Variants in KCNIP2 observed in about 807,000 individuals in gnomAD.
The protein encoded by KCNIP2 is potassium voltage-gated channel interacting protein 2, also known as A-type potassium channel modulatory protein KCNIP2.
In KCNIP2, 19 loss-of-function variants were observed where a neutral mutation model predicts 39.0. The ratio of observed to expected loss-of-function variants is 0.49; its 90% CI spans 0.34 to 0.71. The LOEUF (loss-of-function observed/expected upper bound fraction) is 0.71. Among genes scored for constraint, KCNIP2 ranks in the 30% least tolerant of loss-of-function variants. The pLI, the probability that KCNIP2 is intolerant of heterozygous loss-of-function variation, is 0.01. For missense variants in KCNIP2, 261 were observed against 346.0 expected, an observed-to-expected ratio of 0.75 and a Z score of 1.95; for synonymous variants, 111 against 131.2, an observed-to-expected ratio of 0.85 and a Z score of 1.05.
chr10:101,836,220 G>T (rs2066153265), intron 1 of KCNIP2, among the ~76,000 whole-genome samples: 1 of 150,936 alleles, frequency 6.6e-6, no homozygotes, highest in Non-Finnish European at 1.5e-5. Flanking sequence ...TCCCCGACCT[G>T]CCCCATCCAG....
At position 101,843,195 on chromosome 10, in the gene KCNIP2, A is replaced by G. The variant is rs567675351; in HGVS notation, c.73+301T>C. ...GTGGGAGGTGCGCGCGCACACACACACACACACACAGAATGACAGGTGCTC... is the reference window on the plus strand; with the variant it reads ...GTGGGAGGTGCGCGCGCACACACACGCACACACACAGAATGACAGGTGCTC... On this transcript the variant is annotated intron_variant, in intron 1 of 9. Transcript: ENST00000356640. This position sits in a 1 kb window ranked among gnomAD's most constrained non-coding sequence, Gnocchi z 6.7. Among the ~76,000 whole-genome samples, 1 of 152,310 alleles carries G rather than the reference A, an allele frequency of 6.6e-6. No individual in the cohort carries two copies. Among genetic ancestry groups the G allele is most frequent in the Non-Finnish European group, 1.5e-5 (1 of 68,020 alleles).
At position 101,829,831 on chromosome 10, in the gene KCNIP2, G is replaced by A. The variant is rs746616814; in HGVS notation, c.223+13C>T. On this transcript the variant is annotated intron_variant, in intron 3 of 9. Coordinates refer to ENST00000356640, the MANE Select transcript of KCNIP2 (RefSeq NM_173191.3). The stretch of plus-strand genomic sequence containing the variant: ...CCCTGCCCCGCCCCGCCCCCACCAG[G>A]AGCGTAAGTCACCTGGGTCCAGCAG... The A allele has an allele frequency of 8.8e-5, 115 of 1,305,608 alleles. No homozygotes were observed. Among genetic ancestry groups the A allele is most frequent in the Non-Finnish European group, 1.1e-4 (110 of 1,019,544 alleles). The allele number at this position is 1,305,608 out of a possible 1,614,324, so 80.9% of individuals were successfully genotyped here.
At chr10:101,840,066 G>GA (rs1237678922) in intron 1 of KCNIP2, among the ~76,000 whole-genome samples, 3 of 151,778 alleles carry the variant, frequency 2.0e-5, no homozygotes, top group Non-Finnish European at 2.9e-5. Flanking sequence ...ACGGGGGGGG[G>GA]GGGTGGCGGG....
rs1233503196 is a variant in KCNIP2, at chr10:101,828,354, A to G, written c.489+35T>C. 57 of 1,613,112 alleles carry G rather than the reference A, an allele frequency of 3.5e-5. No individual in the cohort carries two copies. The highest frequency in any genetic ancestry group is 4.8e-5 in the Non-Finnish European group (57 of 1,179,112). On this transcript the variant is annotated intron_variant, in intron 6 of 9. Coordinates refer to ENST00000356640, the MANE Select transcript of KCNIP2 (RefSeq NM_173191.3). The surrounding 1 kb of genome is among the most constrained non-coding windows in gnomAD (Gnocchi z 6.6). ...GGAGATCCTGGCCCTGAACTCCAGG[A>G]AACAGGCTTCCCTGGCCCACCTCGC...
In KCNIP2 at chr10:101,843,599, G is replaced by T; in HGVS notation, c.-31C>A. ...CCGGCGCCCCGCTCCCGCCCGGGCCGTGGGAGGGGGCGCCGGGTGGCCGGG... is the reference window on the plus strand; with the variant it reads ...CCGGCGCCCCGCTCCCGCCCGGGCCTTGGGAGGGGGCGCCGGGTGGCCGGG... On this transcript the variant is annotated 5_prime_UTR_variant, in exon 1 of 10. Coordinates refer to ENST00000356640, the MANE Select transcript of KCNIP2 (RefSeq NM_173191.3). This position sits in a 1 kb window ranked among gnomAD's most constrained non-coding sequence, Gnocchi z 6.7. 1 of 1,365,632 alleles carries T rather than the reference G, an allele frequency of 7.3e-7. No homozygotes were observed. The highest frequency in any genetic ancestry group is 9.7e-7 in the Non-Finnish European group (1 of 1,031,854). The allele number at this position is 1,365,632 out of a possible 1,614,324, so 84.6% of individuals were successfully genotyped here. A position where few individuals can be genotyped will look rare whatever the true frequency, so the allele number is the denominator to read the frequency against.
At chr10:101,842,079 G>A (rs937491577) in intron 1 of KCNIP2, among the ~76,000 whole-genome samples, 1 of 152,124 alleles carries the variant, frequency 6.6e-6, no homozygotes, top group African/African-American at 2.4e-5. Context: ...CCTCATCCTA[G>A]TCCCCTCCCC....
chr10:101,831,462 G>A (rs2065991307), intron 1 of KCNIP2, among the ~76,000 whole-genome samples: 1 of 152,134 alleles, frequency 6.6e-6, no homozygotes. Context: ...TGGCTCAAGT[G>A]CCATGGCTGG....
rs1564677542 is a variant in KCNIP2 at position 101,843,570 on chromosome 10, G to GC, written c.-3dup. On this transcript the variant is annotated 5_prime_UTR_variant, in exon 1 of 10. Transcript: ENST00000356640. The surrounding 1 kb of genome is among the most constrained non-coding windows in gnomAD (Gnocchi z 6.7). ...CTCCTTGCGGCCCTGGCCCCGCATG[G>GC]CCCCCGGCGCCCCGCTCCCGCCCGG... is the stretch of plus-strand genomic sequence containing the variant. The GC allele has an allele frequency of 6.6e-7, 1 of 1,516,970 alleles. No homozygotes were observed. The highest frequency in any genetic ancestry group is 8.8e-7 in the Non-Finnish European group (1 of 1,131,484). The allele number at this position is 1,516,970 out of a possible 1,614,324, so 94.0% of individuals were successfully genotyped here.
chr10:101,829,718 A>AAC, intron 3 of KCNIP2, 126 bp downstream of exon 3: 2 of 111,662 alleles, frequency 1.8e-5, no homozygotes, highest in Non-Finnish European at 1.8e-5. Context: ...CTCCATCCAG[A>AAC]CCCCACCCCC....
chr10:101,831,179 G>A lies in KCNIP2; in HGVS notation c.74-12C>T. 1 of 1,582,070 alleles carries A rather than the reference G, an allele frequency of 6.3e-7. No homozygotes were observed. The highest frequency in any genetic ancestry group is 8.6e-7 in the Non-Finnish European group (1 of 1,161,938). On this transcript the variant is annotated splice_polypyrimidine_tract_variant and intron_variant, in intron 1 of 9. Transcript: ENST00000356640. ...CCCTGGAGGGTGGCCTGGGAAGAGA[G>A]AAGACCCCAGGAAGGCACATTAACT...
chr10:101,841,043 C>G (rs570765263), intron 1 of KCNIP2, among the ~76,000 whole-genome samples: 6 of 152,248 alleles, frequency 3.9e-5, no homozygotes, highest in Non-Finnish European at 8.8e-5. Flanking sequence ...GCGGCCCCGC[C>G]GGGCTGGGAA....
chr10:101,841,582 C>T (rs2066341095), intron 1 of KCNIP2, among the ~76,000 whole-genome samples: 1 of 152,216 alleles, frequency 6.6e-6, no homozygotes, highest in Admixed American at 6.5e-5. Context: ...TACTTGTCAA[C>T]ATTTGACCTT....
intron 9 of KCNIP2, 99 bp from the exon 10 acceptor site, chr10:101,827,499 C>G (rs1020890516): frequency 6.4e-6 from 9 of 1,402,102 alleles, no homozygotes; most frequent in Admixed American, 1.7e-5. Context: ...CGGGGACATT[C>G]AAAAGCACAG....
rs1043648276 is a variant in KCNIP2 at position 101,831,173 on chromosome 10, AAG to A, written c.74-8_74-7del. 1.9e-6 allele frequency: 3 copies of A among 1,592,710 alleles called. No homozygotes were observed. Among genetic ancestry groups the A allele is most frequent in the Non-Finnish European group, 2.6e-6 (3 of 1,168,716 alleles). ...AGTGGGCCCTGGAGGGTGGCCTGGG[AAG>A]AGAGAAGACCCCAGGAAGGCACATT... On this transcript the variant is annotated splice_polypyrimidine_tract_variant and splice_region_variant and intron_variant, in intron 1 of 9. Transcript: ENST00000356640.
chr10:101,829,817 C>T, intron 3 of KCNIP2, 27 bp downstream of exon 3: 22 of 1,407,860 alleles, frequency 1.6e-5, no homozygotes, highest in Non-Finnish European at 2.0e-5. Context: ...CCTGCCCCGC[C>T]CCGCCCCCAC....
chr10:101,828,906 C>T lies in KCNIP2; in HGVS notation c.348+169G>A. On this transcript the variant is annotated intron_variant, in intron 4 of 9. Coordinates refer to ENST00000356640, the MANE Select transcript of KCNIP2 (RefSeq NM_173191.3). This position sits in a 1 kb window ranked among gnomAD's most constrained non-coding sequence, Gnocchi z 6.6. ...CGAAACTGACAGTCTACAGGCGCCA[C>T]TTCCGTTCTGGCCCCGCCCCAGAAC... The T allele has an allele frequency of 6.6e-7, 1 of 1,523,396 alleles. No homozygotes were observed. The highest frequency in any genetic ancestry group is 8.8e-7 in the Non-Finnish European group (1 of 1,132,062). The allele number at this position is 1,523,396 out of a possible 1,614,324, so 94.4% of individuals were successfully genotyped here. A position where few individuals can be genotyped will look rare whatever the true frequency, so the allele number is the denominator to read the frequency against.
chr10:101,832,296 C>CTGTGTGTG (rs57005983), intron 1 of KCNIP2, among the ~76,000 whole-genome samples: 2,500 of 140,006 alleles, frequency 0.018, 43 homozygotes, highest in African/African-American at 0.031. Context: ...CTCAGTGTTA[C>CTGTGTGTG]TGTGTGTGTG....
chr10:101,837,698 G>C lies in KCNIP2; in HGVS notation c.73+5798C>G, dbSNP rs560207438. ...ATAATAATGATAATAATAATGAGTT[G>C]TTTAACCAGAGTCAGTGATCTGTCA... On this transcript the variant is annotated intron_variant, in intron 1 of 9. Transcript: ENST00000356640. 8.5e-5 allele frequency among the ~76,000 whole-genome samples: 13 copies of C among 152,220 alleles called. No individual in the cohort carries two copies. The South Asian group carries it at 2.7e-3, about 32-fold the overall frequency.
intron 1 of KCNIP2, among the ~76,000 whole-genome samples, chr10:101,841,488 C>T (rs946034966): frequency 5.9e-5 from 9 of 152,198 alleles, no homozygotes; most frequent in Non-Finnish European, 1.0e-4. Context: ...GAGGAGAGCT[C>T]CTGGTAGTCC....
Sources: gnomAD v4.1 joint callset for allele counts (sites outside exome capture counted in the v4.1 genomes callset) on GRCh38, gnomAD v4.1.1 for gene constraint, Gnocchi (gnomAD v3.1) non-coding constraint, MANE v1.5 for transcripts, NCBI Gene and HGNC (gene_info 2026-07-23, HGNC 2026-07-21) for gene names.